Variants in ROPN1L observed in about 807,000 individuals in gnomAD.
ROPN1L encodes rhophilin associated tail protein 1 like, also known as ropporin-1-like protein.
A neutral mutation model predicts 22.7 loss-of-function variants in ROPN1L; 23 were observed. That is an observed-to-expected ratio of 1.01 (90% CI 0.73 to 1.43). The LOEUF is 1.43. ROPN1L is among the 40% of genes most tolerant of loss of function. ROPN1L has a pLI of 0.00. For missense variants in ROPN1L, 271 were observed against 291.5 expected (o/e 0.93, Z 0.51); for synonymous variants, 116 against 117.8 (o/e 0.98, Z 0.10).
chr5:10,463,702 G>T (rs1372488075), intron 4 of ROPN1L, among the ~76,000 whole-genome samples: 1 of 152,174 alleles, frequency 6.6e-6, no homozygotes, highest in Non-Finnish European at 1.5e-5. Context: ...CAGGTGCCGG[G>T]GATGTAGTCA....
At chr5:10,452,315 C>CTGTGTG (rs70947209) in intron 3 of ROPN1L, among the ~76,000 whole-genome samples, 65 of 125,494 alleles carry the variant, frequency 5.2e-4, no homozygotes, top group African/African-American at 1.8e-3. Context: ...GTGTGTGTGT[C>CTGTGTG]TGTGTGTGTG....
At chr5:10,465,668 G>A (rs1162547759), downstream of ROPN1L, among the ~76,000 whole-genome samples, 5 of 151,890 alleles carry the variant, frequency 3.3e-5, no homozygotes, top group African/African-American at 9.7e-5. Flanking sequence ...GGCTAACATG[G>A]TGAAACCCCG....
At chr5:10,458,847 CCCATCCCCCCGTGTACA>C (rs1368541752) in intron 3 of ROPN1L, among the ~76,000 whole-genome samples, 1 of 27,308 alleles carries the variant, frequency 3.7e-5, no homozygotes. Context: ...CCCCGTATGC[CCCATCCCCCCGTGTACA>C]CCATCCCCCC....
At chr5:10,470,793 C>T (rs1293800724) in intron 4 of ROPN1L, among the ~76,000 whole-genome samples, 2 of 152,228 alleles carry the variant, frequency 1.3e-5, no homozygotes, top group Admixed American at 6.5e-5. Flanking sequence ...GGCCGTGGGG[C>T]CTCGGGGCCG....
In ROPN1L at chr5:10,448,263, T is replaced by A. The variant is rs41280363; in HGVS notation, c.135T>A (p.Tyr45Ter). The A allele has an allele frequency of 1.5e-3, 2,434 of 1,613,988 alleles. 1 individual carries two copies. Among genetic ancestry groups the A allele is most frequent in the Middle Eastern group, 2.8e-3 (17 of 6,060 alleles). Residue 45 changes from tyrosine (Y) to a stop codon, truncating the protein, a stop_gained, in exon 2 of 5, where the codon TAT becomes TAA. Coordinates refer to ENST00000274134, the MANE Select transcript of ROPN1L (RefSeq NM_031916.5). LOFTEE classifies it high-confidence loss of function. ...AGAGATGTCTGTTATTTATTAGCTA[T>A]TTTTCAGCTCTGTCGAGAGGAGATC... is the stretch of plus-strand genomic sequence containing the variant. ...PADVLRWSAG[Y>*]FSALSRGDPL...
the ROPN1L span, among the ~76,000 whole-genome samples, chr5:10,480,285 C>G: frequency 6.6e-6 from 1 of 152,148 alleles, no homozygotes; most frequent in African/African-American, 2.4e-5. Flanking sequence ...CATTTAATGG[C>G]TGTCATCTAT....
rs541680780 is a variant in ROPN1L at position 10,445,183 on chromosome 5, GCTGGT to G, written c.131+2890_131+2894del. Among the ~76,000 whole-genome samples the G allele has an allele frequency of 2.1e-3, 312 of 152,164 alleles. 1 individual carries two copies. The highest frequency in any genetic ancestry group is 3.5e-3 in the Non-Finnish European group (240 of 67,998). On this transcript the variant is annotated intron_variant, in intron 1 of 4. Coordinates refer to ENST00000274134, the MANE Select transcript of ROPN1L (RefSeq NM_031916.5). ...ACGGGGGTTTCACCATGTTGGCCAC[GCTGGT>G]CTGGAACTCCTGACCTCAAGTAATC...
chr5:10,457,324 G>A (rs1032328435), intron 3 of ROPN1L, among the ~76,000 whole-genome samples: 3 of 152,230 alleles, frequency 2.0e-5, no homozygotes, highest in Non-Finnish European at 4.4e-5. Context: ...TGGGGACAGG[G>A]AGATCAGTTC....
downstream of ROPN1L, among the ~76,000 whole-genome samples, chr5:10,476,867 T>G (rs1735324478): frequency 6.6e-6 from 1 of 152,208 alleles, no homozygotes; most frequent in Non-Finnish European, 1.5e-5. Context: ...GGCAGATAAT[T>G]TGTGTAAAGT....
At chr5:10,479,541 G>T in the ROPN1L span, 1 of 152,146 alleles carries the variant, frequency 6.6e-6, no homozygotes, top group Non-Finnish European at 1.5e-5. Context: ...GGCAGAGGTG[G>T]GGCTGCCACA....
chr5:10,460,705 T>C (rs1238300690), intron 3 of ROPN1L, among the ~76,000 whole-genome samples: 1 of 152,188 alleles, frequency 6.6e-6, no homozygotes, highest in Non-Finnish European at 1.5e-5. Context: ...TTCTGCTCGG[T>C]GGGCAGGCAT....
chr5:10,481,355 C>T, the ROPN1L span, among the ~76,000 whole-genome samples: 1 of 152,194 alleles, frequency 6.6e-6, no homozygotes, highest in Non-Finnish European at 1.5e-5. Flanking sequence ...CAGGAGACAG[C>T]GGACATGTGG....
chr5:10,467,588 A>G (rs1397590568), downstream of ROPN1L, among the ~76,000 whole-genome samples: 3 of 152,130 alleles, frequency 2.0e-5, no homozygotes, highest in South Asian at 2.1e-4. Context: ...ATCGTCAGTT[A>G]TGTATCTTAT....
intron 4 of ROPN1L, among the ~76,000 whole-genome samples, chr5:10,463,796 C>T (rs1360239839): frequency 3.3e-5 from 5 of 152,152 alleles, no homozygotes; most frequent in African/African-American, 1.2e-4. Context: ...GACAGTAGGT[C>T]ATGTTCAGTG....
intron 4 of ROPN1L, among the ~76,000 whole-genome samples, chr5:10,462,841 A>T (rs556926382): frequency 1.3e-4 from 20 of 152,278 alleles, no homozygotes; most frequent in Non-Finnish European, 2.4e-4. Flanking sequence ...GTGACCCGAG[A>T]TTGTGCCATT....
At chr5:10,460,459 A>G (rs1734998209) in intron 3 of ROPN1L, among the ~76,000 whole-genome samples, 1 of 152,240 alleles carries the variant, frequency 6.6e-6, no homozygotes, top group South Asian at 2.1e-4. Context: ...CTGGGAGGGC[A>G]GGTGCTAAAA....
intron 1 of ROPN1L, among the ~76,000 whole-genome samples, chr5:10,445,068 G>A (rs1336810864): frequency 2.0e-5 from 3 of 152,004 alleles, no homozygotes; most frequent in Non-Finnish European, 2.9e-5. Flanking sequence ...TCTGCCTCCT[G>A]GTTCAAGCAA....
chr5:10,458,837 C>CG (rs1734935375), intron 3 of ROPN1L, among the ~76,000 whole-genome samples: 1 of 40,486 alleles, frequency 2.5e-5, no homozygotes, highest in African/African-American at 7.5e-5. Flanking sequence ...TACACCATCC[C>CG]CCCGTATGCC....
chr5:10,470,343 G>A (rs1323982367), intron 4 of ROPN1L, among the ~76,000 whole-genome samples: 1 of 152,190 alleles, frequency 6.6e-6, no homozygotes, highest in Non-Finnish European at 1.5e-5. Context: ...GACAGAAGTA[G>A]GATTAACCCC....
Sources: gnomAD v4.1 joint callset for allele counts (sites outside exome capture counted in the v4.1 genomes callset) on GRCh38, gnomAD v4.1.1 for gene constraint, MANE v1.5 for transcripts, NCBI Gene and HGNC (gene_info 2026-07-23, HGNC 2026-07-21) for gene names.